MEGF10: variants seen among roughly 807,000 people sequenced by gnomAD.
MEGF10 encodes multiple EGF like domains 10.
Under a neutral mutation model 147.5 loss-of-function variants are expected in MEGF10, and 86 were observed. The ratio of observed to expected loss-of-function variants is 0.58; its 90% CI spans 0.49 to 0.70. The LOEUF is 0.70. Among genes scored for constraint, MEGF10 ranks in the 30% least tolerant of loss-of-function variants. The pLI is 0.00. For missense variants in MEGF10, 1,329 were observed against 1,487.3 expected (o/e 0.89, Z 1.75); for synonymous variants, 478 against 525.5 (o/e 0.91, Z 1.24).
At chr5:127,345,335 T>C (rs955371228) in intron 4 of MEGF10, among the ~76,000 whole-genome samples, 5 of 152,126 alleles carry the variant, frequency 3.3e-5, no homozygotes, top group African/African-American at 1.2e-4. Flanking sequence ...CCCAAAGGTA[T>C]GCATTTCTAC....
At position 127,445,449 on chromosome 5, in the gene MEGF10, T is replaced by C; in HGVS notation, c.2492-8T>C. ...TCATCCTTTCTCAAGTCTCTCTTCTTTTTCTAGCTGGTGTTATCATAGTTG... is the reference window on the plus strand; with the variant it reads ...TCATCCTTTCTCAAGTCTCTCTTCTCTTTCTAGCTGGTGTTATCATAGTTG... On this transcript the variant is annotated splice_polypyrimidine_tract_variant and splice_region_variant and intron_variant, in intron 19 of 24. Transcript: ENST00000503335. The C allele has an allele frequency of 6.2e-7, 1 of 1,606,816 alleles. No individual in the cohort carries two copies.
chr5:127,310,462 A>G (rs1346257631), intron 1 of MEGF10, among the ~76,000 whole-genome samples: 1 of 152,058 alleles, frequency 6.6e-6, no homozygotes, highest in Non-Finnish European at 1.5e-5. Context: ...TGCTTTTAGT[A>G]TCATATCCAA....
chr5:127,407,202 A>T (rs551301269), intron 8 of MEGF10, among the ~76,000 whole-genome samples: 1 of 152,296 alleles, frequency 6.6e-6, no homozygotes, highest in South Asian at 2.1e-4. Flanking sequence ...CCCCCAGAGC[A>T]GCAGTTCCGG....
chr5:127,434,132 TATC>T (rs1765477226), intron 14 of MEGF10, among the ~76,000 whole-genome samples: 2 of 152,236 alleles, frequency 1.3e-5, no homozygotes, highest in African/African-American at 4.8e-5. Context: ...TCTATGCAGT[TATC>T]ATATATTTAA....
intron 7 of MEGF10, among the ~76,000 whole-genome samples, chr5:127,399,845 C>T (rs569734838): frequency 1.3e-5 from 2 of 152,240 alleles, no homozygotes; most frequent in Admixed American, 1.3e-4. Flanking sequence ...CTTTTCTCAC[C>T]ATAAATCCAC....
chr5:127,243,408 AG>A, the MEGF10 span, among the ~76,000 whole-genome samples: 1 of 152,164 alleles, frequency 6.6e-6, no homozygotes, highest in Non-Finnish European at 1.5e-5. Context: ...CTCCCAAAAA[AG>A]CTCTCTTCAT....
rs1198851371 is a variant in MEGF10, at chr5:127,419,169, G to A, written c.1355G>A (p.Cys452Tyr). 1 of 1,614,166 alleles carries A rather than the reference G, an allele frequency of 6.2e-7. No individual in the cohort carries two copies. Among genetic ancestry groups the A allele is most frequent in the Non-Finnish European group, 8.5e-7 (1 of 1,180,020 alleles). Residue 452 changes from cysteine to tyrosine, a missense_variant, in exon 11 of 25, where the codon TGT (cysteine) becomes TAT (tyrosine). Transcript: ENST00000503335. The part of the protein sequence containing the change: ...PCPLGTYGIN[C>Y]SSRCGCKNDA... ...CCTCTGGGAACCTATGGGATAAACT[G>A]TTCCTCTCGCTGTGGCTGTAAAAAT...
chr5:127,243,685 C>G, the MEGF10 span, among the ~76,000 whole-genome samples: 1 of 152,072 alleles, frequency 6.6e-6, no homozygotes, highest in Non-Finnish European at 1.5e-5. Flanking sequence ...TGTGTATCAT[C>G]ATCAGAAACT....
intron 1 of MEGF10, among the ~76,000 whole-genome samples, chr5:127,323,801 C>T (rs373523816): frequency 3.6e-4 from 55 of 152,132 alleles, no homozygotes; most frequent in African/African-American, 1.3e-3. Context: ...GGGCTGCAGT[C>T]ATCTAAAGGT....
rs376652467 is a variant in MEGF10, at chr5:127,455,604, G to A, written c.3229G>A (p.Val1077Ile). Residue 1077 changes from valine to isoleucine, a missense_variant, in exon 24 of 25, where the codon GTT becomes ATT. Physicochemically the swap from Val to Ile is conservative, Grantham distance 29 (BLOSUM62 3). Transcript: ENST00000503335. ...STSANRNVYE[V>I]EPTVSVVQGV... ...TTCAGCCAACAGGAATGTCTATGAA[G>A]TTGGTGAGTTCCCTTAACCATAGAA... The A allele has an allele frequency of 9.3e-6, 15 of 1,613,878 alleles. No individual in the cohort carries two copies. In the East Asian group the frequency reaches 1.3e-4, roughly 14 times the overall value.
At chr5:127,414,461 C>T (rs972123597) in intron 9 of MEGF10, among the ~76,000 whole-genome samples, 2 of 152,010 alleles carry the variant, frequency 1.3e-5, no homozygotes, top group Non-Finnish European at 1.5e-5. Flanking sequence ...CTGGTCTGTG[C>T]GTTCACTTAC....
At chr5:127,373,793 G>A (rs902589249) in intron 5 of MEGF10, among the ~76,000 whole-genome samples, 2 of 152,190 alleles carry the variant, frequency 1.3e-5, no homozygotes, top group East Asian at 3.8e-4. Context: ...GATATAAGAA[G>A]CAACCACTAC....
intron 9 of MEGF10, among the ~76,000 whole-genome samples, chr5:127,412,575 A>G (rs747817927): frequency 1.1e-4 from 16 of 152,226 alleles, no homozygotes; most frequent in Non-Finnish European, 1.8e-4. Flanking sequence ...TTAATAATGT[A>G]CATTGTCTTT....
intron 8 of MEGF10, among the ~76,000 whole-genome samples, chr5:127,405,291 A>T (rs960371442): frequency 1.3e-5 from 2 of 151,958 alleles, no homozygotes; most frequent in Admixed American, 6.6e-5. Context: ...GTCTAATTTT[A>T]TGACTTTTAA....
chr5:127,259,834 C>G, the MEGF10 span, among the ~76,000 whole-genome samples: 1 of 152,080 alleles, frequency 6.6e-6, no homozygotes, highest in African/African-American at 2.4e-5. Flanking sequence ...CTTAAACTAC[C>G]TAAGTGAAAC....
chr5:127,260,883 A>G, the MEGF10 span, among the ~76,000 whole-genome samples: 845 of 152,220 alleles, frequency 5.6e-3, 10 homozygotes, highest in African/African-American at 0.019. Flanking sequence ...GGACACCACA[A>G]CTGCGCAATC....
upstream of MEGF10, among the ~76,000 whole-genome samples, chr5:127,288,886 T>C (rs1759114336): frequency 6.6e-6 from 1 of 152,216 alleles, no homozygotes; most frequent in African/African-American, 2.4e-5. Flanking sequence ...GGAATACTAC[T>C]CAGCAATAAA....
chr5:127,310,118 C>T (rs1328751504), intron 1 of MEGF10, among the ~76,000 whole-genome samples: 1 of 149,580 alleles, frequency 6.7e-6, no homozygotes, highest in East Asian at 2.0e-4. Flanking sequence ...CAATCCTAAT[C>T]AGTGTGAAGT....
intron 14 of MEGF10, 39 bp downstream of exon 14, chr5:127,433,548 C>T (rs1192907800): frequency 1.3e-6 from 2 of 1,558,314 alleles, no homozygotes; most frequent in African/African-American, 2.7e-5. Context: ...ACCTTCCCTT[C>T]CCTGGGCACC....
Sources: gnomAD v4.1 joint callset for allele counts (sites outside exome capture counted in the v4.1 genomes callset) on GRCh38, gnomAD v4.1.1 for gene constraint, MANE v1.5 for transcripts, NCBI Gene and HGNC (gene_info 2026-07-23, HGNC 2026-07-21) for gene names.